The following GLIS3 variants were observed in gnomAD, a reference collection of about 807,000 sequenced individuals.
GLIS3 encodes GLIS family zinc finger 3.
A neutral mutation model predicts 78.6 loss-of-function variants in GLIS3; 53 were observed. The ratio of observed to expected loss-of-function variants is 0.67; its 90% CI spans 0.54 to 0.85. The LOEUF (loss-of-function observed/expected upper bound fraction) is 0.85, where lower values mean the gene tolerates loss of function less well. Ranked by LOEUF, GLIS3 falls within the 40% of genes least tolerant of loss-of-function variation. The probability of loss-of-function intolerance (pLI) is 0.00; values close to 1 mark genes in which losing one functional copy is unlikely to be tolerated. For missense variants in GLIS3, 1,703 were observed against 1,231.1 expected (o/e 1.38, Z -5.74); for synonymous variants, 684 against 509.9 (o/e 1.34, Z -4.60).
chr9:4,484,460 C>A, the GLIS3 span, among the ~76,000 whole-genome samples: 1 of 121,018 alleles, frequency 8.3e-6, no homozygotes, highest in Non-Finnish European at 1.6e-5. Context: ...GCTCTGCTGC[C>A]TAGGCTGCAG....
chr9:4,188,018 A>G (rs1199840765), intron 2 of GLIS3, among the ~76,000 whole-genome samples: 1 of 152,092 alleles, frequency 6.6e-6, no homozygotes, highest in Non-Finnish European at 1.5e-5. Flanking sequence ...CCCTGGCCAG[A>G]ACTTCCAACA....
chr9:3,858,809 G>A (rs16919798), intron 8 of GLIS3, among the ~76,000 whole-genome samples: 1,841 of 152,280 alleles, frequency 0.012, 32 homozygotes, highest in African/African-American at 0.033. Context: ...CAAGGAAGTA[G>A]ATAGGAAGCC....
In GLIS3 at chr9:3,827,960, A is replaced by C. The variant is rs1817813894; in HGVS notation, c.*312T>G. 2.5e-6 allele frequency: 1 copy of C among 405,460 alleles called. No individual in the cohort carries two copies. Among genetic ancestry groups the C allele is most frequent in the South Asian group, 2.3e-5 (1 of 44,424 alleles). The allele number at this position is 405,460 out of a possible 1,614,324, so 25.1% of individuals were successfully genotyped here. On this transcript the variant is annotated 3_prime_UTR_variant, in exon 11 of 11. Coordinates refer to ENST00000381971, the MANE Select transcript of GLIS3 (RefSeq NM_001042413.2). ...TACATTTTCATATGCACATCATTTC[A>C]CTGGGGTCCTTTAAGGGTTGACAGC...
At chr9:4,400,773 C>T in the GLIS3 span, among the ~76,000 whole-genome samples, 3 of 152,306 alleles carry the variant, frequency 2.0e-5, no homozygotes, top group South Asian at 4.1e-4. Context: ...GACCCTGCTC[C>T]AGGCCCTAGC....
intron 2 of GLIS3, among the ~76,000 whole-genome samples, chr9:4,242,290 A>C (rs1823391435): frequency 6.6e-6 from 1 of 152,152 alleles, no homozygotes; most frequent in Non-Finnish European, 1.5e-5. Flanking sequence ...ATCTCCAGGA[A>C]GTGGGGGAAA....
chr9:4,315,840 A>G (rs1817430050), intron 2 of GLIS3, among the ~76,000 whole-genome samples: 3 of 152,052 alleles, frequency 2.0e-5, no homozygotes, highest in Admixed American at 2.0e-4. Context: ...GCTCAGCAGT[A>G]CCAGGACATG....
In GLIS3 at chr9:4,178,921, G is replaced by A. The variant is rs192794257; in HGVS notation, c.389-52980C>T. Among the ~76,000 whole-genome samples the A allele has an allele frequency of 2.0e-5, 3 of 152,204 alleles. No homozygotes were observed. The East Asian group carries it at 5.8e-4, about 29-fold the overall frequency. On this transcript the variant is annotated intron_variant, in intron 2 of 10. Coordinates refer to ENST00000381971, the MANE Select transcript of GLIS3 (RefSeq NM_001042413.2). ...ATTTGAAGAAGGGGTTTTATTATTT[G>A]GGTTTTATTTTACAGTTTCTACTAA...
At chr9:4,092,651 C>T (rs1829621178) in intron 4 of GLIS3, among the ~76,000 whole-genome samples, 1 of 152,128 alleles carries the variant, frequency 6.6e-6, no homozygotes, top group African/African-American at 2.4e-5. Context: ...ACATCTCATC[C>T]CACTGGAGGG....
chr9:3,876,092 T>TAG (rs2130431712), intron 8 of GLIS3, among the ~76,000 whole-genome samples: 2 of 152,214 alleles, frequency 1.3e-5, no homozygotes, highest in South Asian at 4.1e-4. Flanking sequence ...GCAATCTAAA[T>TAG]CTCAAAAAAG....
At chr9:3,922,630 G>A (rs948691563) in intron 6 of GLIS3, among the ~76,000 whole-genome samples, 2 of 152,098 alleles carry the variant, frequency 1.3e-5, no homozygotes, top group Admixed American at 1.3e-4. Context: ...GGGAAGGATA[G>A]GAGAGAAGTT....
chr9:4,482,601 T>C, the GLIS3 span, among the ~76,000 whole-genome samples: 4 of 152,220 alleles, frequency 2.6e-5, no homozygotes, highest in South Asian at 8.3e-4. Flanking sequence ...TTTATGATGA[T>C]AGAATACAAC....
chr9:4,169,051 CT>C (rs1262905139), intron 2 of GLIS3, among the ~76,000 whole-genome samples: 4 of 152,180 alleles, frequency 2.6e-5, no homozygotes, highest in Non-Finnish European at 5.9e-5. Flanking sequence ...TCACCACCAG[CT>C]TTAATGAGGA....
At chr9:4,215,444 G>C (rs1275933499) in intron 2 of GLIS3, among the ~76,000 whole-genome samples, 1 of 152,124 alleles carries the variant, frequency 6.6e-6, no homozygotes, top group Non-Finnish European at 1.5e-5. Context: ...TGTAAGTGTT[G>C]TGGGGGATGC....
intron 4 of GLIS3, among the ~76,000 whole-genome samples, chr9:3,986,152 G>C (rs982433973): frequency 2.0e-5 from 3 of 152,200 alleles, no homozygotes; most frequent in African/African-American, 7.2e-5. Flanking sequence ...GGTGAACAGT[G>C]GTGTTTTGCA....
intron 4 of GLIS3, among the ~76,000 whole-genome samples, chr9:3,992,209 T>C (rs1820370357): frequency 6.6e-6 from 1 of 152,228 alleles, no homozygotes; most frequent in African/African-American, 2.4e-5. Context: ...TTTCACTTTA[T>C]ACAGTGCCTA....
chr9:3,965,179 C>G (rs915751694), intron 4 of GLIS3, among the ~76,000 whole-genome samples: 1 of 129,594 alleles, frequency 7.7e-6, no homozygotes, highest in African/African-American at 2.9e-5. Context: ...TTTTCTATTT[C>G]TTTCTTTTCT....
chr9:4,210,776 C>G (rs1007672415), intron 2 of GLIS3, among the ~76,000 whole-genome samples: 6 of 152,246 alleles, frequency 3.9e-5, no homozygotes, highest in Non-Finnish European at 7.3e-5. Context: ...CCTGCTAGAG[C>G]CAGTCTCCTT....
intron 2 of GLIS3, among the ~76,000 whole-genome samples, chr9:4,175,608 A>T (rs77509313): frequency 0.011 from 1,656 of 152,306 alleles, 15 homozygotes; most frequent in Non-Finnish European, 0.019. Flanking sequence ...GCAATGCTGG[A>T]ATGATCTATC....
intron 2 of GLIS3, among the ~76,000 whole-genome samples, chr9:4,164,435 G>T (rs142065849): frequency 1.3e-5 from 2 of 152,302 alleles, no homozygotes; most frequent in African/African-American, 4.8e-5. Context: ...CAATGCAAAA[G>T]CTCATTTCTT....
Sources: allele counts gnomAD v4.1 joint callset (sites outside exome capture counted in the v4.1 genomes callset), GRCh38; gene constraint gnomAD v4.1.1; transcripts MANE v1.5; gene names NCBI Gene and HGNC (gene_info 2026-07-23, HGNC 2026-07-21).